The following SPAG6 variants were observed in gnomAD, a reference collection of about 807,000 sequenced individuals.
The protein encoded by SPAG6 is sperm associated antigen 6, also known as sperm-associated antigen 6.
SPAG6 carries 49 observed loss-of-function variants against 58.5 expected under a neutral mutation model. The ratio of observed to expected loss-of-function variants is 0.84; its 90% CI spans 0.67 to 1.06. The LOEUF (loss-of-function observed/expected upper bound fraction) is 1.06, where lower values mean the gene tolerates loss of function less well. SPAG6 is among the 50% of genes least tolerant of loss of function. The pLI is 0.00. For synonymous variants in SPAG6, 233 were observed against 225.6 expected (o/e 1.03, Z -0.29); for missense variants, 560 against 611.3 (o/e 0.92, Z 0.89).
intron 10 of SPAG6, among the ~76,000 whole-genome samples, chr10:22,416,010 C>T (rs1353027036): frequency 6.6e-6 from 1 of 151,844 alleles, no homozygotes; most frequent in Non-Finnish European, 1.5e-5. Flanking sequence ...ACTATAGATG[C>T]CCAAGAACTA....
intron 9 of SPAG6, among the ~76,000 whole-genome samples, chr10:22,408,824 G>A (rs964002040): frequency 4.6e-5 from 7 of 152,242 alleles, no homozygotes; most frequent in South Asian, 4.1e-4. Context: ...CCATGTGTGG[G>A]ATATAATCTC....
At chr10:22,362,128 TTATATATTTATTTTATGTA>T (rs1469120286) in intron 2 of SPAG6, among the ~76,000 whole-genome samples, 6 of 146,044 alleles carry the variant, frequency 4.1e-5, no homozygotes, top group African/African-American at 1.2e-4. Flanking sequence ...TATATGTATT[TTATATATTTATTTTATGTA>T]TATATATTTA....
intron 8 of SPAG6, among the ~76,000 whole-genome samples, chr10:22,397,396 T>C (rs1377975366): frequency 3.9e-5 from 6 of 152,208 alleles, no homozygotes; most frequent in Non-Finnish European, 8.8e-5. Context: ...TACTGCAACC[T>C]CCACCTCCCA....
At chr10:22,348,885 T>C (rs1196521016) in intron 2 of SPAG6, among the ~76,000 whole-genome samples, 1 of 152,184 alleles carries the variant, frequency 6.6e-6, no homozygotes, top group Non-Finnish European at 1.5e-5. Flanking sequence ...CAGACTGGAG[T>C]GCAGTGGTGC....
At chr10:22,393,779 T>C (rs1324305272) in intron 8 of SPAG6, among the ~76,000 whole-genome samples, 1 of 152,182 alleles carries the variant, frequency 6.6e-6, no homozygotes, top group Admixed American at 6.5e-5. Flanking sequence ...TTCTCTCAGT[T>C]GTTATTTTAA....
intron 10 of SPAG6, chr10:22,412,350 C>A: frequency 1.6e-6 from 1 of 629,508 alleles, no homozygotes; most frequent in East Asian, 2.9e-5. Context: ...TGTTTAATAT[C>A]AATGGTGTTT....
In SPAG6 at chr10:22,416,692, A is replaced by G. The variant is rs775897168; in HGVS notation, c.*4A>G. The G allele has an allele frequency of 2.5e-6, 4 of 1,570,794 alleles. No homozygotes were observed. The highest frequency in any genetic ancestry group is 3.4e-4 in the Middle Eastern group (2 of 5,836). On this transcript the variant is annotated 3_prime_UTR_variant, in exon 11 of 11. Coordinates refer to ENST00000376624, the MANE Select transcript of SPAG6 (RefSeq NM_012443.4). ...CTATCAACCACTTAATAACTGAGCAAAGTTATATTGTGATACTCAAATTCA... is the reference window on the plus strand; with the variant it reads ...CTATCAACCACTTAATAACTGAGCAGAGTTATATTGTGATACTCAAATTCA...
intron 2 of SPAG6, among the ~76,000 whole-genome samples, chr10:22,354,320 A>T (rs1836807993): frequency 2.0e-5 from 3 of 152,188 alleles, no homozygotes; most frequent in Admixed American, 2.0e-4. Context: ...GCGAGAGATG[A>T]CTTCAAGATG....
rs753034276 is a variant in SPAG6 at position 22,345,753 on chromosome 10, A to G, written c.56A>G (p.Gln19Arg). The G allele has an allele frequency of 2.5e-6, 4 of 1,613,606 alleles. No individual in the cohort carries two copies. The highest frequency in any genetic ancestry group is 3.4e-6 in the Non-Finnish European group (4 of 1,179,794). Residue 19 changes from glutamine to arginine, a missense_variant, in exon 2 of 11, where the codon CAG becomes CGG. Coordinates refer to ENST00000376624, the MANE Select transcript of SPAG6 (RefSeq NM_012443.4). This position sits in a 1 kb window ranked among gnomAD's most constrained non-coding sequence, Gnocchi z 6.3. ...VFEQYQKART[Q>R]FVQMVAELAT... The stretch of plus-strand genomic sequence containing the variant: ...GAGCAATACCAGAAGGCCAGGACCC[A>G]GTTCGTGCAGATGGTGGCGGAGCTG...
chr10:22,382,078 T>G (rs1833969967), intron 4 of SPAG6, among the ~76,000 whole-genome samples: 1 of 152,208 alleles, frequency 6.6e-6, no homozygotes, highest in South Asian at 2.1e-4. Flanking sequence ...AAGCAAAGTC[T>G]TGTCACCCCA....
At chr10:22,389,735 G>T (rs1267509012) in intron 7 of SPAG6, among the ~76,000 whole-genome samples, 1 of 152,132 alleles carries the variant, frequency 6.6e-6, no homozygotes, top group Non-Finnish European at 1.5e-5. Context: ...GATGACAATG[G>T]CTAGGACATC....
intron 2 of SPAG6, chr10:22,361,538 A>G (rs1364445893): frequency 6.6e-6 from 1 of 152,172 alleles, no homozygotes; most frequent in Non-Finnish European, 1.5e-5. Context: ...TCTACTAAAA[A>G]TACAAAAATT....
chr10:22,362,782 A>G (rs1381050095), intron 2 of SPAG6, among the ~76,000 whole-genome samples: 1 of 151,970 alleles, frequency 6.6e-6, no homozygotes, highest in Admixed American at 6.6e-5. Context: ...GATAATGACA[A>G]TACAATGTCA....
At chr10:22,352,202 T>C (rs1157274464) in intron 2 of SPAG6, among the ~76,000 whole-genome samples, 1 of 151,732 alleles carries the variant, frequency 6.6e-6, no homozygotes, top group African/African-American at 2.4e-5. Context: ...TATGTGTGTG[T>C]GCGTGTATGT....
chr10:22,346,051 G>A, intron 2 of SPAG6: 1 of 1,535,190 alleles, frequency 6.5e-7, no homozygotes, highest in Non-Finnish European at 8.8e-7. Context: ...ACACAGGCAA[G>A]TGTCAGGTTG....
intron 8 of SPAG6, among the ~76,000 whole-genome samples, chr10:22,394,544 C>A (rs998367541): frequency 4.6e-5 from 7 of 152,078 alleles, no homozygotes; most frequent in Non-Finnish European, 2.9e-5. Context: ...AATTATGAAA[C>A]CATCACCACT....
intron 4 of SPAG6, among the ~76,000 whole-genome samples, chr10:22,374,872 A>G (rs1045660057): frequency 2.6e-5 from 4 of 152,240 alleles, no homozygotes; most frequent in Admixed American, 1.3e-4. Context: ...TCCAGATAAC[A>G]ACTGAACAGT....
At chr10:22,375,585 CTTTTTTT>C (rs928312845) in intron 4 of SPAG6, among the ~76,000 whole-genome samples, 1 of 126,196 alleles carries the variant, frequency 7.9e-6, no homozygotes, top group Non-Finnish European at 1.7e-5. Flanking sequence ...AAAGGATTTT[CTTTTTTT>C]TTTTTTTTTT....
chr10:22,408,243 G>T (rs1564381231), intron 9 of SPAG6, among the ~76,000 whole-genome samples: 1 of 138,244 alleles, frequency 7.2e-6, no homozygotes, highest in Non-Finnish European at 1.5e-5. Context: ...TTTCTGTTCT[G>T]TTTTTTCCCC....
Sources: gnomAD v4.1 joint callset for allele counts (sites outside exome capture counted in the v4.1 genomes callset) on GRCh38, gnomAD v4.1.1 for gene constraint, Gnocchi (gnomAD v3.1) non-coding constraint, MANE v1.5 for transcripts, NCBI Gene and HGNC (gene_info 2026-07-23, HGNC 2026-07-21) for gene names.